Variants in DHX8 observed in about 807,000 individuals in gnomAD.
The protein encoded by DHX8 is ATP-dependent RNA helicase DHX8.
Under a neutral mutation model 140.7 loss-of-function variants are expected in DHX8, and 67 were observed. The observed-to-expected ratio is 0.48, with a 90% CI of 0.39 to 0.58. The LOEUF is 0.58. DHX8 is among the 20% of genes least tolerant of loss of function. The pLI, the probability that DHX8 is intolerant of heterozygous loss-of-function variation, is 0.00. For synonymous variants in DHX8, 533 were observed against 553.2 expected (o/e 0.96, Z 0.51); for missense variants, 887 against 1,550.7 (o/e 0.57, Z 7.19).
At chr17:43,490,603 C>T (rs1023896266) in intron 3 of DHX8, 140 bp downstream of exon 3, 8 of 689,740 alleles carry the variant, frequency 1.2e-5, no homozygotes, top group East Asian at 5.6e-5. Context: ...CTGGGCCTAG[C>T]GGCTCACTGC....
chr17:43,521,984 G>A (rs1325981367), intron 21 of DHX8, 63 bp from the exon 22 acceptor site: 3 of 1,562,316 alleles, frequency 1.9e-6, no homozygotes, highest in Non-Finnish European at 2.6e-6. Flanking sequence ...GTTGGGCACT[G>A]TCATTGTGAA....
Position 43,490,390 on chromosome 17 carries a change from G to A in DHX8, c.235-1G>A. On this transcript the variant is annotated splice_acceptor_variant, in intron 2 of 22. Coordinates refer to ENST00000262415, the MANE Select transcript of DHX8 (RefSeq NM_004941.3). LOFTEE classifies it high-confidence loss of function. The stretch of plus-strand genomic sequence containing the variant: ...TTTTCGTTCTATGTTTCTTTTCAAA[G>A]GATTCTCTTATTAGTAACTTGCTGC... The A allele has an allele frequency of 6.2e-7, 1 of 1,612,262 alleles. No homozygotes were observed. Among genetic ancestry groups the A allele is most frequent in the Non-Finnish European group, 8.5e-7 (1 of 1,179,418 alleles).
intron 22 of DHX8, 93 bp from the exon 23 acceptor site, chr17:43,523,535 A>G: frequency 6.4e-7 from 1 of 1,553,536 alleles, no homozygotes; most frequent in Non-Finnish European, 8.7e-7. Context: ...ATAGTATAAA[A>G]TGTAAGCTCA....
At chr17:43,530,407 T>A, downstream of DHX8, 1 of 1,420,182 alleles carries the variant, frequency 7.0e-7, no homozygotes, top group Non-Finnish European at 9.2e-7. Flanking sequence ...GCTGAGGCCA[T>A]GGAAGGCAGC....
At chr17:43,522,023 A>G in intron 21 of DHX8, 24 bp from the exon 22 acceptor site, 1 of 1,611,342 alleles carries the variant, frequency 6.2e-7, no homozygotes, top group Non-Finnish European at 8.5e-7. Context: ...GAGTGGGCTC[A>G]TATCTTTTGT....
At chr17:43,527,358 C>G (rs1053011765), downstream of DHX8, among the ~76,000 whole-genome samples, 1 of 152,204 alleles carries the variant, frequency 6.6e-6, no homozygotes, top group Non-Finnish European at 1.5e-5. Context: ...TTGTCCCCAA[C>G]CCCAGCAAAA....
At chr17:43,499,903 C>T in intron 10 of DHX8, 53 bp from the exon 11 acceptor site, 1 of 1,597,720 alleles carries the variant, frequency 6.3e-7, no homozygotes, top group Non-Finnish European at 8.5e-7. Context: ...TTAACTTCTA[C>T]ATATTATTTC....
chr17:43,539,390 C>A (rs1031516912), intron 3 of DHX8, among the ~76,000 whole-genome samples: 1 of 152,172 alleles, frequency 6.6e-6, no homozygotes, highest in Non-Finnish European at 1.5e-5. Flanking sequence ...ACCCCTAAAC[C>A]AAAGTGGTTC....
chr17:43,520,795 C>T lies in DHX8; in HGVS notation c.2982C>T (p.Ile994=). The T allele has an allele frequency of 6.2e-7, 1 of 1,614,022 alleles. No homozygotes were observed. Among genetic ancestry groups the T allele is most frequent in the Non-Finnish European group, 8.5e-7 (1 of 1,179,988 alleles). ...PLEPMLCKML[I]MSVHLGCSEE... is the part of the protein sequence containing the mutation. ...AGCCAATGCTATGCAAAATGCTCAT[C>T]ATGTCTGTGCATCTGGGCTGCAGTG... The change falls in exon 20 of 23, where the codon ATC becomes ATT. Residue 994 remains isoleucine (I), a synonymous_variant. Transcript: ENST00000262415.
intron 2 of DHX8, chr17:43,532,597 T>TA (rs1335689531): frequency 4.4e-6 from 6 of 1,378,518 alleles, no homozygotes; most frequent in South Asian, 1.4e-5. Context: ...AACAGCAATG[T>TA]AAAAAAACTC....
intron 3 of DHX8, among the ~76,000 whole-genome samples, chr17:43,541,400 C>T (rs779427278): frequency 3.9e-5 from 6 of 152,330 alleles, no homozygotes; most frequent in Middle Eastern, 3.4e-3. Flanking sequence ...TCCCCAGCTC[C>T]ATCCCGGTAC....
At chr17:43,501,844 A>G (rs1598144191) in intron 11 of DHX8, among the ~76,000 whole-genome samples, 3 of 152,210 alleles carry the variant, frequency 2.0e-5, no homozygotes, top group Admixed American at 2.0e-4. Flanking sequence ...TTTCCAAAGG[A>G]TGATTGAGGG....
Position 43,520,135 on chromosome 17 carries a change from G to A in DHX8, c.2805G>A (p.Met935Ile). The change falls in exon 19 of 23, where the codon ATG becomes ATA. Residue 935 changes from methionine to isoleucine, a missense_variant. Around this residue, in one of 9 missense-constraint regions of DHX8, gnomAD observed 151 missense variants for 388.3 expected, o/e 0.39. Transcript: ENST00000262415. Reference sequence around the variant, plus strand: ...CTTCTTCCTTTCTGTTCTAGGCCATGGGTATCAATGATCTGCTGTCCTTTG... The same window carrying A: ...CTTCTTCCTTTCTGTTCTAGGCCATAGGTATCAATGATCTGCTGTCCTTTG... Reference protein sequence around the residue: ...LASTVLSLKAMGINDLLSFDF... With the variant: ...LASTVLSLKAIGINDLLSFDF... 6.2e-7 allele frequency: 1 copy of A among 1,614,130 alleles called. No individual in the cohort carries two copies. The highest frequency in any genetic ancestry group is 8.5e-7 in the Non-Finnish European group (1 of 1,179,994).
At position 43,520,723 on chromosome 17, in the gene DHX8, C is replaced by A. The variant is rs567744916; in HGVS notation, c.2938-28C>A. 17 of 1,613,646 alleles carry A rather than the reference C, an allele frequency of 1.1e-5. No individual in the cohort carries two copies. In the South Asian group the frequency reaches 1.8e-4, roughly 17 times the overall value. ...TCCAAATGTGTCTTCCACAGGGAAG[C>A]AGTTGTAGTCTTTTTTTGTCCCTCT... On this transcript the variant is annotated intron_variant, in intron 19 of 22. Transcript: ENST00000262415.
At position 43,513,324 on chromosome 17, in the gene DHX8, T is replaced by G. The variant is rs148121553; in HGVS notation, c.2503-38T>G. ...CCTTTTCACACCTCAGGGCTGAGCC[T>G]GGGCACCTCACTCCAGCTTTGCCCC... On this transcript the variant is annotated intron_variant, in intron 16 of 22. Coordinates refer to ENST00000262415, the MANE Select transcript of DHX8 (RefSeq NM_004941.3). The G allele has an allele frequency of 5.5e-4, 882 of 1,605,440 alleles. 2 individuals are homozygous for G. In the African/African-American group the frequency reaches 0.01, roughly 18 times the overall value.
At chr17:43,513,122 G>T (rs1466891131) in intron 16 of DHX8, among the ~76,000 whole-genome samples, 1 of 152,140 alleles carries the variant, frequency 6.6e-6, no homozygotes, top group Non-Finnish European at 1.5e-5. Context: ...TTTATTGGCT[G>T]TAGCTTTTTC....
In DHX8 at chr17:43,492,926, G is replaced by A. The variant is rs746384849; in HGVS notation, c.749G>A (p.Arg250Gln). 11 of 1,614,074 alleles carry A rather than the reference G, an allele frequency of 6.8e-6. No individual in the cohort carries two copies. The highest frequency in any genetic ancestry group is 4.4e-5 in the South Asian group (4 of 91,086). ...GGAGAGCGGAATCTGGATAGATGGCGGGATAAGCATGTGGACCGCCCTCCT... is the reference window on the plus strand; with the variant it reads ...GGAGAGCGGAATCTGGATAGATGGCAGGATAAGCATGTGGACCGCCCTCCT... The part of the protein sequence containing the change: ...KYGERNLDRW[R>Q]DKHVDRPPPE... Residue 250 changes from arginine to glutamine, a missense_variant, in exon 6 of 23, where the codon CGG (arginine) becomes CAG (glutamine). Coordinates refer to ENST00000262415, the MANE Select transcript of DHX8 (RefSeq NM_004941.3).
intron 2 of DHX8, chr17:43,533,714 G>T: frequency 9.7e-7 from 1 of 1,031,412 alleles, no homozygotes; most frequent in Non-Finnish European, 1.4e-6. Context: ...GAAATCCTTA[G>T]CTGTATTGCT....
Position 43,504,658 on chromosome 17 carries a change from AT to A in DHX8, c.1563del (p.Ile521MetfsTer5). 6.2e-7 allele frequency: 1 copy of A among 1,610,922 alleles called. No homozygotes were observed. The highest frequency in any genetic ancestry group is 8.5e-7 in the Non-Finnish European group (1 of 1,178,784). On this transcript the variant is annotated frameshift_variant, in exon 12 of 23. Coordinates refer to ENST00000262415, the MANE Select transcript of DHX8 (RefSeq NM_004941.3). LOFTEE classifies it high-confidence loss of function. The part of the protein sequence containing the change: ...DPLPDAEGRQ[I>X]AANMRGIGMM... ...TTCCTTTCCAGCGGAAGGCAGACAG[AT>A]TGCTGCCAACATGAGGGGTATTGGG... is the stretch of plus-strand genomic sequence containing the variant.
Sources: allele counts gnomAD v4.1 joint callset (sites outside exome capture counted in the v4.1 genomes callset), GRCh38; gene constraint gnomAD v4.1.1; regional missense constraint gnomAD v4.1.1; transcripts MANE v1.5; gene names NCBI Gene and HGNC (gene_info 2026-07-23, HGNC 2026-07-21).